The following DCAF10 variants were observed in gnomAD, a reference collection of about 807,000 sequenced individuals.
DCAF10 encodes the protein DDB1 and CUL4 associated factor 10.
DCAF10 carries 19 observed loss-of-function variants against 51.9 expected under a neutral mutation model. That is an observed-to-expected ratio of 0.37 (90% CI 0.26 to 0.54). The LOEUF (loss-of-function observed/expected upper bound fraction) is 0.54, where lower values mean the gene tolerates loss of function less well. DCAF10 is among the 20% of genes least tolerant of loss of function. The probability of loss-of-function intolerance (pLI) is 0.87; values close to 1 mark genes in which losing one functional copy is unlikely to be tolerated. For synonymous variants in DCAF10, 291 were observed against 297.1 expected, an observed-to-expected ratio of 0.98 and a Z score of 0.21; for missense variants, 510 against 730.6, an observed-to-expected ratio of 0.70 and a Z score of 3.48.
chr9:37,837,137 A>C (rs560206278), intron 2 of DCAF10, among the ~76,000 whole-genome samples: 14 of 152,158 alleles, frequency 9.2e-5, no homozygotes, highest in Non-Finnish European at 2.1e-4. Flanking sequence ...TAAGTACCCA[A>C]AATTGCATAG....
chr9:37,826,268 C>A (rs1472520770), intron 2 of DCAF10, among the ~76,000 whole-genome samples: 2 of 152,116 alleles, frequency 1.3e-5, no homozygotes, highest in East Asian at 1.9e-4. Context: ...AGAAAGGAAA[C>A]CCCTACAGCT....
chr9:37,835,300 C>T (rs1046070488), intron 2 of DCAF10, among the ~76,000 whole-genome samples: 4 of 151,736 alleles, frequency 2.6e-5, no homozygotes, highest in East Asian at 2.0e-4. Context: ...TAGCTGGGGC[C>T]GGGTGTGGTG....
intron 4 of DCAF10, 88 bp downstream of exon 4, chr9:37,855,070 A>G (rs1000609190): frequency 8.6e-6 from 11 of 1,275,840 alleles, no homozygotes; most frequent in Non-Finnish European, 1.2e-5. Flanking sequence ...AAATGATAGC[A>G]GGAAAAGGGA....
At position 37,801,545 on chromosome 9, in the gene DCAF10, C is replaced by A; in HGVS notation, c.539+140C>A. ...GGCCGCTGGCCTTCGTGCCTCCTGGCACTTTCTGAAGCGCATTCTCGCCCT... is the reference window on the plus strand; with the variant it reads ...GGCCGCTGGCCTTCGTGCCTCCTGGAACTTTCTGAAGCGCATTCTCGCCCT... On this transcript the variant is annotated intron_variant, in intron 1 of 6. Transcript: ENST00000377724. The surrounding 1 kb of genome is among the most constrained non-coding windows in gnomAD (Gnocchi z 5.5). The A allele has an allele frequency of 1.9e-6, 2 of 1,079,416 alleles. No homozygotes were observed. Among genetic ancestry groups the A allele is most frequent in the Non-Finnish European group, 2.4e-6 (2 of 821,446 alleles). 66.9% of individuals were successfully genotyped at this position (1,079,416 alleles called of 1,614,324 possible).
chr9:37,817,904 A>C (rs73449303), intron 1 of DCAF10, among the ~76,000 whole-genome samples: 29,075 of 152,166 alleles, frequency 0.19, 3,178 homozygotes, highest in African/African-American at 0.29. Flanking sequence ...TAGCATAAAA[A>C]ATTTCAGATA....
At chr9:37,836,886 C>G (rs1162639337) in intron 2 of DCAF10, among the ~76,000 whole-genome samples, 1 of 151,810 alleles carries the variant, frequency 6.6e-6, no homozygotes, top group Non-Finnish European at 1.5e-5. Flanking sequence ...GGGTGGTAAC[C>G]AACCAATTTT....
intron 2 of DCAF10, among the ~76,000 whole-genome samples, chr9:37,831,907 C>T (rs1318556094): frequency 6.6e-6 from 1 of 151,684 alleles, no homozygotes; most frequent in Non-Finnish European, 1.5e-5. Flanking sequence ...GAGATTGTGC[C>T]ACTGCACTCC....
At position 37,862,920 on chromosome 9, in the gene DCAF10, A is replaced by G. The variant is rs1412900745; in HGVS notation, c.*1412A>G. 6.6e-6 allele frequency: 1 copy of G among 152,194 alleles called. No homozygotes were observed. The highest frequency in any genetic ancestry group is 2.4e-5 in the African/African-American group (1 of 41,446). 9.4% of individuals were successfully genotyped at this position (152,194 alleles called of 1,614,324 possible). ...CTGAGCCTCACCTTATGAGATTCTG[A>G]TTCAGCCAGGGGGAGGACAGGAATC... On this transcript the variant is annotated 3_prime_UTR_variant, in exon 7 of 7. Coordinates refer to ENST00000377724, the MANE Select transcript of DCAF10 (RefSeq NM_024345.5).
chr9:37,843,995 G>A (rs1359142877), intron 3 of DCAF10, among the ~76,000 whole-genome samples: 3 of 152,178 alleles, frequency 2.0e-5, no homozygotes, highest in Non-Finnish European at 4.4e-5. Flanking sequence ...CAAAACAGTT[G>A]TGGCTACATT....
intron 2 of DCAF10, among the ~76,000 whole-genome samples, chr9:37,823,589 G>GT (rs138960972): frequency 0.15 from 23,183 of 149,592 alleles, 1,838 homozygotes; most frequent in African/African-American, 0.17. Flanking sequence ...GAATTTAGGA[G>GT]TTTTTTTGGC....
At chr9:37,816,180 C>T (rs1464175474) in intron 1 of DCAF10, among the ~76,000 whole-genome samples, 1 of 152,032 alleles carries the variant, frequency 6.6e-6, no homozygotes, top group Non-Finnish European at 1.5e-5. Context: ...TAGGCATGGG[C>T]CATATGGAGG....
chr9:37,852,153 A>G (rs934161810), intron 3 of DCAF10, among the ~76,000 whole-genome samples: 14 of 152,122 alleles, frequency 9.2e-5, no homozygotes, highest in Non-Finnish European at 2.1e-4. Context: ...CAGAGGGGGG[A>G]AAAAAGATAA....
chr9:37,806,933 G>A (rs970151160), intron 1 of DCAF10, among the ~76,000 whole-genome samples: 1 of 152,142 alleles, frequency 6.6e-6, no homozygotes, highest in African/African-American at 2.4e-5. Flanking sequence ...TCTGTACCTT[G>A]GTGTATGCTG....
chr9:37,802,857 T>C (rs1038830490), intron 1 of DCAF10, among the ~76,000 whole-genome samples: 1 of 152,152 alleles, frequency 6.6e-6, no homozygotes, highest in African/African-American at 2.4e-5. Flanking sequence ...TTCCTAAAGT[T>C]TCCCTCAAAA....
intron 3 of DCAF10, among the ~76,000 whole-genome samples, chr9:37,843,489 T>C (rs1282768807): frequency 1.3e-5 from 2 of 152,098 alleles, no homozygotes; most frequent in Non-Finnish European, 2.9e-5. Context: ...GAAATAAAAT[T>C]TGAATAGAAA....
At position 37,852,930 on chromosome 9, in the gene DCAF10, T is replaced by TTATATATATATATATATA. The variant is rs59469290; in HGVS notation, c.852-1831_852-1814dup. 8.7e-4 allele frequency among the ~76,000 whole-genome samples: 95 copies of TTATATATATATATATATA among 109,740 alleles called. 1 individual carries two copies. The highest frequency in any genetic ancestry group is 2.2e-3 in the East Asian group (5 of 2,308). The allele number at this position is 109,740 out of a possible 152,430, so 72.0% of individuals were successfully genotyped here. On this transcript the variant is annotated intron_variant, in intron 3 of 6. Transcript: ENST00000377724. Reference sequence around the variant, plus strand: ...CATCATAAATGTTAAGTATGTGAGGTTATATATATATATATATATATATAT... The same window carrying TTATATATATATATATATA: ...CATCATAAATGTTAAGTATGTGAGGTTATATATATATATATATATATATATATATATATATATATATAT...
rs114747107 is a variant in DCAF10 at position 37,832,957 on chromosome 9, T to C, written c.654-9132T>C. On this transcript the variant is annotated intron_variant, in intron 2 of 6. Coordinates refer to ENST00000377724, the MANE Select transcript of DCAF10 (RefSeq NM_024345.5). The stretch of plus-strand genomic sequence containing the variant: ...AGGCTGGTGTGCAGTGGCACGATCA[T>C]TGCTCACTGCAACTTCTGCCTCCTG... 4.3e-3 allele frequency among the ~76,000 whole-genome samples: 659 copies of C among 152,296 alleles called. 2 individuals are homozygous for C. The highest frequency in any genetic ancestry group is 0.015 in the African/African-American group (627 of 41,580).
chr9:37,858,963 C>T (rs79865072), intron 5 of DCAF10, among the ~76,000 whole-genome samples: 8,457 of 152,274 alleles, frequency 0.056, 332 homozygotes, highest in Non-Finnish European at 0.083. Flanking sequence ...CCTGAGGAAC[C>T]CCAAAGGAGC....
chr9:37,861,144 C>T lies in DCAF10; in HGVS notation c.1316C>T (p.Thr439Ile). The T allele has an allele frequency of 6.2e-7, 1 of 1,600,172 alleles. No homozygotes were observed. The change falls in exon 7 of 7, where the codon ACT becomes ATT. Residue 439 changes from threonine to isoleucine, a missense_variant. Physicochemically the swap from Thr to Ile is moderately conservative, Grantham distance 89 (BLOSUM62 -1). This residue lies in a region of DCAF10 where 104 missense variants were observed against 206.2 expected (regional missense o/e 0.50). Coordinates refer to ENST00000377724, the MANE Select transcript of DCAF10 (RefSeq NM_024345.5). The surrounding 1 kb of genome is among the most constrained non-coding windows in gnomAD (Gnocchi z 4.9). ...CSSNSDDEEC[T>I]CVYEFQEGAP... ...GTCTCCCTTCTCTCCCCCTAGTGTA[C>T]TTGTGTCTATGAATTCCAAGAAGGA...
Sources: gnomAD v4.1 joint callset for allele counts (sites outside exome capture counted in the v4.1 genomes callset) on GRCh38, gnomAD v4.1.1 for gene constraint, gnomAD v4.1.1 regional missense constraint, Gnocchi (gnomAD v3.1) non-coding constraint, MANE v1.5 for transcripts, NCBI Gene and HGNC (gene_info 2026-07-23, HGNC 2026-07-21) for gene names.